Variants in NOX4 observed in about 807,000 individuals in gnomAD.
NOX4 encodes the protein kidney oxidase-1.
In NOX4, 69 loss-of-function variants were observed where a neutral mutation model predicts 87.6. The ratio of observed to expected loss-of-function variants is 0.79; its 90% CI spans 0.65 to 0.96. NOX4 has a LOEUF of 0.96. NOX4 is among the 40% of genes least tolerant of loss of function. The pLI, the probability that NOX4 is intolerant of heterozygous loss-of-function variation, is 0.00. For missense variants in NOX4, 680 were observed against 681.5 expected, an observed-to-expected ratio of 1.00 and a Z score of 0.02; for synonymous variants, 275 against 238.2, an observed-to-expected ratio of 1.15 and a Z score of -1.42.
intron 7 of NOX4, among the ~76,000 whole-genome samples, chr11:89,431,742 C>T (rs1158947219): frequency 6.6e-6 from 1 of 152,160 alleles, no homozygotes; most frequent in African/African-American, 2.4e-5. Flanking sequence ...AACACTTTTA[C>T]ACTGTTGGTG....
chr11:89,461,315 A>C (rs1307427756), intron 2 of NOX4, among the ~76,000 whole-genome samples: 1 of 151,920 alleles, frequency 6.6e-6, no homozygotes, highest in Non-Finnish European at 1.5e-5. Flanking sequence ...TAATTAAAAA[A>C]AAGAATATGA....
intron 13 of NOX4, among the ~76,000 whole-genome samples, chr11:89,346,633 A>G (rs897913325): frequency 6.7e-6 from 1 of 149,682 alleles, no homozygotes; most frequent in African/African-American, 2.5e-5. Context: ...TACATCCCCA[A>G]CTTGTTCTGA....
the NOX4 span, among the ~76,000 whole-genome samples, chr11:89,513,183 G>A: frequency 2.0e-5 from 3 of 151,944 alleles, no homozygotes; most frequent in African/African-American, 7.3e-5. Flanking sequence ...AGCTGTGTGT[G>A]GTGGTGCATG....
chr11:89,352,532 A>T (rs898094163), intron 13 of NOX4, among the ~76,000 whole-genome samples: 1 of 152,224 alleles, frequency 6.6e-6, no homozygotes, highest in African/African-American at 2.4e-5. Context: ...CACCTTCTAG[A>T]TGCTATTAAG....
rs549807416 is a variant in NOX4, at chr11:89,394,148, C to T, written c.1074+5869G>A. On this transcript the variant is annotated intron_variant, in intron 11 of 17. Coordinates refer to ENST00000263317, the MANE Select transcript of NOX4 (RefSeq NM_016931.5). Reference sequence around the variant, plus strand: ...CTTTGCCTTGTGAAAAGGGCCTAGGCCTGCTGAAAGAAATTGATCTAGAAG... The same window carrying T: ...CTTTGCCTTGTGAAAAGGGCCTAGGTCTGCTGAAAGAAATTGATCTAGAAG... Among the ~76,000 whole-genome samples the T allele has an allele frequency of 2.6e-5, 4 of 152,208 alleles. No individual in the cohort carries two copies. The East Asian group carries it at 7.7e-4, about 29-fold the overall frequency.
At chr11:89,412,646 A>T (rs1344453885) in intron 8 of NOX4, among the ~76,000 whole-genome samples, 1 of 152,096 alleles carries the variant, frequency 6.6e-6, no homozygotes, top group African/African-American at 2.4e-5. Context: ...GAAGAATAAA[A>T]CTAGATCTCT....
chr11:89,368,050 C>G (rs945568962), intron 12 of NOX4, among the ~76,000 whole-genome samples: 5 of 152,048 alleles, frequency 3.3e-5, no homozygotes, highest in Non-Finnish European at 7.4e-5. Flanking sequence ...TCCTAAATCT[C>G]TCCAGCAATA....
At chr11:89,461,660 A>G (rs1425479808) in intron 2 of NOX4, among the ~76,000 whole-genome samples, 1 of 151,712 alleles carries the variant, frequency 6.6e-6, no homozygotes, top group Non-Finnish European at 1.5e-5. Context: ...ATAAATAAAT[A>G]AATAAATAAG....
chr11:89,535,706 A>G, the NOX4 span, among the ~76,000 whole-genome samples: 1 of 152,198 alleles, frequency 6.6e-6, no homozygotes, highest in African/African-American at 2.4e-5. Context: ...GACTGTATAC[A>G]AACTTTTAAC....
At position 89,428,820 on chromosome 11, in the gene NOX4, A is replaced by T. The variant is rs182309619; in HGVS notation, c.548+3964T>A. 1.6e-3 allele frequency among the ~76,000 whole-genome samples: 241 copies of T among 152,288 alleles called. 3 individuals carry two copies. Among genetic ancestry groups the T allele is most frequent in the Non-Finnish European group, 1.8e-4 (12 of 68,004 alleles). ...AGACAGATCAACGAGACAGAAAGTT[A>T]ACAAGGATATCCAGGAATTGAACTC... On this transcript the variant is annotated intron_variant, in intron 7 of 17. Coordinates refer to ENST00000263317, the MANE Select transcript of NOX4 (RefSeq NM_016931.5).
chr11:89,574,574 T>G, the NOX4 span, among the ~76,000 whole-genome samples: 1 of 152,214 alleles, frequency 6.6e-6, no homozygotes, highest in African/African-American at 2.4e-5. Flanking sequence ...AATATTCAGT[T>G]TGCCATTACC....
chr11:89,361,488 A>C (rs1182696932), intron 12 of NOX4, among the ~76,000 whole-genome samples: 1 of 152,064 alleles, frequency 6.6e-6, no homozygotes, highest in African/African-American at 2.4e-5. Context: ...GGGATAAAAA[A>C]CTACATATTG....
At chr11:89,477,810 A>G (rs1946229990) in intron 2 of NOX4, among the ~76,000 whole-genome samples, 2 of 152,164 alleles carry the variant, frequency 1.3e-5, no homozygotes, top group Non-Finnish European at 2.9e-5. Context: ...TGGGAGCTAA[A>G]ATGTGGAAAC....
At chr11:89,498,264 T>C (rs1487379258), upstream of NOX4, 2 of 152,150 alleles carry the variant, frequency 1.3e-5, no homozygotes, top group Non-Finnish European at 2.9e-5. Context: ...AGAAGATAGA[T>C]AACATTAAAA....
At chr11:89,407,050 G>A (rs545151459) in intron 8 of NOX4, among the ~76,000 whole-genome samples, 2 of 152,060 alleles carry the variant, frequency 1.3e-5, no homozygotes, top group Non-Finnish European at 2.9e-5. Context: ...CATGTCTTAT[G>A]CATTTATCCC....
intron 1 of NOX4, 92 bp from the exon 2 acceptor site, chr11:89,490,645 T>G: frequency 1.1e-6 from 1 of 877,644 alleles, no homozygotes. Flanking sequence ...TTCGACACAG[T>G]GCTTTCAATG....
At chr11:89,387,213 G>A (rs1940776095) in intron 11 of NOX4, among the ~76,000 whole-genome samples, 1 of 151,988 alleles carries the variant, frequency 6.6e-6, no homozygotes, top group Non-Finnish European at 1.5e-5. Context: ...CTCAGCCCAA[G>A]ACTGCATGTA....
At chr11:89,412,154 A>T (rs549873441) in intron 8 of NOX4, among the ~76,000 whole-genome samples, 1 of 152,310 alleles carries the variant, frequency 6.6e-6, no homozygotes, top group South Asian at 2.1e-4. Flanking sequence ...AAACTGCAGC[A>T]CACAAAAACG....
At chr11:89,516,301 G>A in the NOX4 span, among the ~76,000 whole-genome samples, 1 of 151,972 alleles carries the variant, frequency 6.6e-6, no homozygotes, top group East Asian at 1.9e-4. Context: ...AATTCAAAGA[G>A]GTAAGAAATT....
Sources: allele counts gnomAD v4.1 joint callset (sites outside exome capture counted in the v4.1 genomes callset), GRCh38; gene constraint gnomAD v4.1.1; transcripts MANE v1.5; gene names NCBI Gene and HGNC (gene_info 2026-07-23, HGNC 2026-07-21).